Variants in HOXB3 observed in about 807,000 individuals in gnomAD.
The protein encoded by HOXB3 is homeobox protein Hox-B3.
In HOXB3, 17 loss-of-function variants were observed where a neutral mutation model predicts 29.2. The ratio of observed to expected loss-of-function variants is 0.58; its 90% CI spans 0.40 to 0.87. HOXB3 has a LOEUF of 0.87. Ranked by LOEUF, HOXB3 falls within the 40% of genes least tolerant of loss-of-function variation. The pLI is 0.00. For missense variants in HOXB3, 637 were observed against 616.3 expected (o/e 1.03, Z -0.35); for synonymous variants, 317 against 285.9 (o/e 1.11, Z -1.10).
chr17:48,578,259 C>T (rs1286474027), intron 1 of HOXB3: 1 of 1,614,020 alleles, frequency 6.2e-7, no homozygotes, highest in Non-Finnish European at 8.5e-7. Context: ...GAATATTCCT[C>T]GCATGGAGGG....
At chr17:48,565,452 A>C (rs1028715035) in intron 2 of HOXB3, among the ~76,000 whole-genome samples, 1 of 152,250 alleles carries the variant, frequency 6.6e-6, no homozygotes, top group East Asian at 1.9e-4. Context: ...CCTGCTCCCC[A>C]AAGGGTTTGG....
At position 48,558,242 on chromosome 17, in the gene HOXB3, G is replaced by A. The variant is rs977609025; in HGVS notation, c.-246-2624C>T. On this transcript the variant is annotated intron_variant, in intron 2 of 4. Transcript: ENST00000498678. ...GCCTCGGGCCGGCTGCAGGAGAAGCGGGCCTGGAGCTGAGCTGGGAGTGGA... is the reference window on the plus strand; with the variant it reads ...GCCTCGGGCCGGCTGCAGGAGAAGCAGGCCTGGAGCTGAGCTGGGAGTGGA... Among the ~76,000 whole-genome samples, 5 of 152,120 alleles carry A rather than the reference G, an allele frequency of 3.3e-5. No homozygotes were observed. The East Asian group carries it at 5.8e-4, about 18-fold the overall frequency.
At chr17:48,553,448 C>T (rs1194510836) in intron 3 of HOXB3, 1 of 151,134 alleles carries the variant, frequency 6.6e-6, no homozygotes. Flanking sequence ...GGTCTCTCCC[C>T]GGACCTCTTT....
intron 4 of HOXB3, among the ~76,000 whole-genome samples, chr17:48,551,716 A>C (rs573188186): frequency 2.0e-5 from 3 of 151,814 alleles, no homozygotes; most frequent in African/African-American, 7.2e-5. Context: ...ACTTAATAAT[A>C]ATCAATCGTT....
chr17:48,555,491 C>T (rs2068948367), intron 3 of HOXB3, 40 bp downstream of exon 3: 2 of 702,456 alleles, frequency 2.8e-6, no homozygotes, highest in Non-Finnish European at 5.2e-6. Flanking sequence ...ACATACTCTC[C>T]GCCATTCACA....
Position 48,552,197 on chromosome 17 carries a change from C to T in HOXB3, c.278G>A (p.Ser93Asn). The T allele has an allele frequency of 6.2e-7, 1 of 1,613,526 alleles. No homozygotes were observed. Among genetic ancestry groups the T allele is most frequent in the Non-Finnish European group, 8.5e-7 (1 of 1,179,802 alleles). The change falls in exon 4 of 5, where the codon AGT (serine) becomes AAT (asparagine). Residue 93 changes from serine (S) to asparagine (N), a missense_variant. Physicochemically the swap from Ser to Asn is conservative, Grantham distance 46. Coordinates refer to ENST00000498678, the MANE Select transcript of HOXB3 (RefSeq NM_001384749.1). The part of the protein sequence containing the change: ...LSAPPGSPPP[S>N]AAPTSATSNS... Reference sequence around the variant, plus strand: ...GCTAGTGGCACTGGTAGGTGCGGCACTGGGCGGGGGTGAGCCAGGCGGGGC... The same window carrying T: ...GCTAGTGGCACTGGTAGGTGCGGCATTGGGCGGGGGTGAGCCAGGCGGGGC...
At chr17:48,570,337 C>G (rs1372291075) in intron 2 of HOXB3, among the ~76,000 whole-genome samples, 3 of 152,176 alleles carry the variant, frequency 2.0e-5, no homozygotes, top group Non-Finnish European at 2.9e-5. Context: ...TGACCAGTTA[C>G]GTGCAACTAG....
intron 2 of HOXB3, among the ~76,000 whole-genome samples, chr17:48,556,049 T>C (rs2068976356): frequency 6.6e-6 from 1 of 151,330 alleles, no homozygotes; most frequent in African/African-American, 2.4e-5. Context: ...CTTAGATGCC[T>C]GATAAGGAGG....
At chr17:48,569,047 CTCCCTCTCTCTCT>C (rs1435715531) in intron 2 of HOXB3, among the ~76,000 whole-genome samples, 4 of 121,052 alleles carry the variant, frequency 3.3e-5, no homozygotes, top group Non-Finnish European at 7.1e-5. Context: ...CTCTCTCTCT[CTCCCTCTCTCTCT>C]CCCCCCTCTC....
chr17:48,564,422 C>G (rs902387844), intron 2 of HOXB3, among the ~76,000 whole-genome samples: 6 of 152,004 alleles, frequency 3.9e-5, no homozygotes, highest in African/African-American at 1.4e-4. Flanking sequence ...GCGCTCGCCC[C>G]CACCCCGCCC....
chr17:48,558,356 C>T (rs750436003), intron 2 of HOXB3, among the ~76,000 whole-genome samples: 8 of 152,008 alleles, frequency 5.3e-5, no homozygotes, highest in Non-Finnish European at 1.2e-4. Flanking sequence ...GGCAGTGGGG[C>T]ATAGTGGGGT....
intron 2 of HOXB3, among the ~76,000 whole-genome samples, chr17:48,564,424 A>ACCCCGCCCCCGC (rs999466619): frequency 9.3e-5 from 10 of 108,094 alleles, no homozygotes; most frequent in South Asian, 3.3e-4. Context: ...GCTCGCCCCC[A>ACCCCGCCCCCGC]CCCCGCCCCC....
At chr17:48,553,013 C>A (rs2068825803) in intron 3 of HOXB3, 1 of 152,724 alleles carries the variant, frequency 6.5e-6, no homozygotes, top group Non-Finnish European at 1.5e-5. Context: ...CAACACCCTC[C>A]TCTGAGCCCA....
chr17:48,584,771 T>C (rs2070014745), intron 1 of HOXB3, among the ~76,000 whole-genome samples: 1 of 152,080 alleles, frequency 6.6e-6, no homozygotes, highest in Non-Finnish European at 1.5e-5. Context: ...GGAGAAGGGA[T>C]TTTTCCTTCC....
chr17:48,571,095 C>T (rs921106897), intron 2 of HOXB3, among the ~76,000 whole-genome samples: 1 of 152,200 alleles, frequency 6.6e-6, no homozygotes, highest in Non-Finnish European at 1.5e-5. Flanking sequence ...ATACTCTTTT[C>T]GGATCCTGGG....
intron 1 of HOXB3, among the ~76,000 whole-genome samples, chr17:48,585,600 G>C (rs2070032589): frequency 6.6e-6 from 1 of 152,160 alleles, no homozygotes. Flanking sequence ...GCGGCGGTGC[G>C]GACAACCCGT....
Position 48,550,859 on chromosome 17 carries a change from C to T in HOXB3, c.771G>A (p.Gly257=). The change falls in exon 5 of 5, where the codon GGG becomes GGA. Residue 257 remains glycine, a synonymous_variant. Transcript: ENST00000498678. ...QKAKGLASSS[G]GPSPAGSPPQ... ...GGGGGCTGCCGGCTGGAGATGGGCC[C>T]CCCGACGACGAGGCCAATCCCTTGG... 1 of 1,613,922 alleles carries T rather than the reference C, an allele frequency of 6.2e-7. No individual in the cohort carries two copies. The highest frequency in any genetic ancestry group is 8.5e-7 in the Non-Finnish European group (1 of 1,179,918).
intron 2 of HOXB3, among the ~76,000 whole-genome samples, chr17:48,570,846 G>A (rs981780530): frequency 3.9e-5 from 6 of 152,168 alleles, no homozygotes; most frequent in Non-Finnish European, 5.9e-5. Flanking sequence ...CCCTGCTCCC[G>A]GCTCCAGCGA....
At chr17:48,578,293 G>A in intron 1 of HOXB3, 1 of 1,611,210 alleles carries the variant, frequency 6.2e-7, no homozygotes, top group African/African-American at 1.3e-5. Context: ...CATAGTTTGA[G>A]TTGATCAAAA....
Sources: gnomAD v4.1 joint callset for allele counts (sites outside exome capture counted in the v4.1 genomes callset) on GRCh38, gnomAD v4.1.1 for gene constraint, MANE v1.5 for transcripts, NCBI Gene and HGNC (gene_info 2026-07-23, HGNC 2026-07-21) for gene names.